The following MASP1 variants were observed in gnomAD, a reference collection of about 807,000 sequenced individuals.
MASP1 encodes the protein mannan-binding lectin serine protease 1.
In MASP1, 59 loss-of-function variants were observed where a neutral mutation model predicts 77.1. The observed-to-expected ratio is 0.77, with a 90% confidence interval of 0.62 to 0.95. The LOEUF is 0.95. Among genes scored for constraint, MASP1 ranks in the 40% least tolerant of loss-of-function variants. The pLI is 0.00. For synonymous variants in MASP1, 362 were observed against 354.5 expected (o/e 1.02, Z -0.24); for missense variants, 885 against 912.9 (o/e 0.97, Z 0.39).
chr3:187,260,830 C>T lies in MASP1; in HGVS notation c.458G>A (p.Cys153Tyr), dbSNP rs145619289. Residue 153 changes from cysteine to tyrosine, a missense_variant, in exon 4 of 11, where the codon TGT (cysteine) becomes TAT (tyrosine). Physicochemically the swap from Cys to Tyr is radical, Grantham distance 194 (BLOSUM62 -2). Coordinates refer to ENST00000296280, the MANE Select transcript of MASP1 (RefSeq NM_139125.4). The part of the protein sequence containing the change: ...CKEREDEELS[C>Y]DHYCHNYIGG... ...AATGTAGTTGTGGCAGTAGTGGTCA[C>T]AGGACAGCTCCTCGTCCTCCCTCTC... is the stretch of plus-strand genomic sequence containing the variant. 1.4e-5 allele frequency: 23 copies of T among 1,614,038 alleles called. No individual in the cohort carries two copies. Among genetic ancestry groups the T allele is most frequent in the Non-Finnish European group, 1.9e-5 (23 of 1,180,030 alleles).
chr3:187,263,409 G>T (rs1715768196), intron 2 of MASP1, among the ~76,000 whole-genome samples: 1 of 152,150 alleles, frequency 6.6e-6, no homozygotes, highest in South Asian at 2.1e-4. Context: ...ATAAACATTT[G>T]TTTACAAGAA....
intron 2 of MASP1, among the ~76,000 whole-genome samples, chr3:187,267,692 G>T (rs556580384): frequency 1.3e-5 from 2 of 152,334 alleles, no homozygotes; most frequent in South Asian, 2.1e-4. Flanking sequence ...AGAGGTGGTA[G>T]CTGCTTACAG....
At chr3:187,284,841 G>C (rs1478778343) in intron 2 of MASP1, among the ~76,000 whole-genome samples, 1 of 152,182 alleles carries the variant, frequency 6.6e-6, no homozygotes, top group Non-Finnish European at 1.5e-5. Flanking sequence ...AAGTTTGATT[G>C]AGATTATAAT....
chr3:187,239,846 T>C (rs1440020023), intron 10 of MASP1, among the ~76,000 whole-genome samples: 1 of 152,314 alleles, frequency 6.6e-6, no homozygotes, highest in East Asian at 1.9e-4. Flanking sequence ...CCTTCATTCA[T>C]AGACAACCAG....
In MASP1 at chr3:187,235,120, C is replaced by G; in HGVS notation, c.*564G>C. On this transcript the variant is annotated 3_prime_UTR_variant, in exon 11 of 11. Transcript: ENST00000296280. ...GAGAAACCCCAGGCATGAAGGTGCT[C>G]CAAGGGATCACACTAAGAGAGAGGG... The G allele has an allele frequency of 7.8e-7, 1 of 1,287,350 alleles. No individual in the cohort carries two copies. Among genetic ancestry groups the G allele is most frequent in the Non-Finnish European group, 1.0e-6 (1 of 988,778 alleles). 79.7% of individuals were successfully genotyped at this position (1,287,350 alleles called of 1,614,324 possible).
exon 16 of MASP1, chr3:187,219,932 C>CTCT: frequency 1.2e-6 from 1 of 831,030 alleles, no homozygotes. Context: ...GTGAAGATAC[C>CTCT]TGCTCTATTG....
Position 187,235,810 on chromosome 3 carries a change from C to T in MASP1, c.2061G>A (p.Gly687=), listed in dbSNP as rs142830133. Residue 687 remains glycine (G), a synonymous_variant, in exon 11 of 11, where the codon GGG becomes GGA. Coordinates refer to ENST00000296280, the MANE Select transcript of MASP1 (RefSeq NM_139125.4). ...GCTTGCTGCCGCATTCTTCAGGTCCCCCCCAGGACACCAGGCCTTGCACCA... is the reference window on the plus strand; with the variant it reads ...GCTTGCTGCCGCATTCTTCAGGTCCTCCCCAGGACACCAGGCCTTGCACCA... ...RWVVQGLVSW[G]GPEECGSKQV... 69 of 1,614,210 alleles carry T rather than the reference C, an allele frequency of 4.3e-5. No homozygotes were observed. Among genetic ancestry groups the T allele is most frequent in the Admixed American group, 1.0e-4 (6 of 60,026 alleles).
chr3:187,270,620 T>C (rs1304107053), intron 2 of MASP1, among the ~76,000 whole-genome samples: 2 of 152,200 alleles, frequency 1.3e-5, no homozygotes, highest in African/African-American at 4.8e-5. Context: ...CCTATCCTTT[T>C]CATCCCTGTC....
chr3:187,251,699 G>C lies in MASP1; in HGVS notation c.946C>G (p.Gln316Glu). Residue 316 changes from glutamine to glutamate, a missense_variant, in exon 7 of 11, where the codon CAA becomes GAA. Gln to Glu is a conservative substitution (Grantham distance 29, BLOSUM62 2). Transcript: ENST00000296280. ...TGGTCTTTGAAGAAATACTTGGCTTGGGAGGGCTCGATTTTCCCATGGACA... is the reference window on the plus strand; with the variant it reads ...TGGTCTTTGAAGAAATACTTGGCTTCGGAGGGCTCGATTTTCCCATGGACA... Reference protein sequence around the residue: ...PPVHGKIEPSQAKYFFKDQVL... With the variant: ...PPVHGKIEPSEAKYFFKDQVL... 1.2e-6 allele frequency: 2 copies of C among 1,614,204 alleles called. No individual in the cohort carries two copies. Among genetic ancestry groups the C allele is most frequent in the East Asian group, 4.5e-5 (2 of 44,882 alleles).
exon 16 of MASP1, chr3:187,218,805 G>A (rs1711879266): frequency 6.6e-6 from 1 of 152,210 alleles, no homozygotes; most frequent in South Asian, 2.1e-4. Context: ...AGCTTCCTGA[G>A]AGAGGATGGG....
chr3:187,262,841 A>C, intron 2 of MASP1, 121 bp from the exon 3 acceptor site: 1 of 811,492 alleles, frequency 1.2e-6, no homozygotes, highest in Non-Finnish European at 2.1e-6. Flanking sequence ...TGAGAAACCC[A>C]AAGAAAGGAG....
rs769377018 is a variant in MASP1, at chr3:187,256,768, A to G, written c.640T>C (p.Tyr214His). 1.9e-6 allele frequency: 3 copies of G among 1,613,974 alleles called. No homozygotes were observed. Among genetic ancestry groups the G allele is most frequent in the Non-Finnish European group, 2.5e-6 (3 of 1,180,002 alleles). The change falls in exon 5 of 11, where the codon TAT becomes CAT. Residue 214 changes from tyrosine to histidine, a missense_variant. Tyr to His is a moderately conservative substitution (Grantham distance 83). Coordinates refer to ENST00000296280, the MANE Select transcript of MASP1 (RefSeq NM_139125.4). ...AAACCCTCCTCCAGCTCGATGGTAT[A>G]CAGGCATTCAGAGCTCTTGGGGTAA... ...NPYPKSSECL[Y>H]TIELEEGFMV...
At chr3:187,285,630 T>G (rs1717784813) in intron 2 of MASP1, among the ~76,000 whole-genome samples, 195 bp downstream of exon 2, 1 of 152,080 alleles carries the variant, frequency 6.6e-6, no homozygotes, top group Admixed American at 6.5e-5. Flanking sequence ...TCAATCAGCT[T>G]CAGTTTCCTT....
In MASP1 at chr3:187,235,905, C is replaced by T. The variant is rs754733542; in HGVS notation, c.1966G>A (p.Gly656Ser). The T allele has an allele frequency of 1.4e-5, 23 of 1,614,100 alleles. No homozygotes were observed. The highest frequency in any genetic ancestry group is 8.9e-5 in the East Asian group (4 of 44,906). ...CTATCTCCAAGGCACGTGTCTTTGC[C>T]GCCCTCGTAGTAGCCAGCACAGAAC... Reference protein sequence around the residue: ...NMFCAGYYEGGKDTCLGDSGG... With the variant: ...NMFCAGYYEGSKDTCLGDSGG... The change falls in exon 11 of 11, where the codon GGC (glycine) becomes AGC (serine). Residue 656 changes from glycine to serine, a missense_variant. By Grantham distance (56) the Gly-to-Ser change is moderately conservative. Coordinates refer to ENST00000296280, the MANE Select transcript of MASP1 (RefSeq NM_139125.4).
chr3:187,238,698 A>G (rs1253802558), intron 10 of MASP1, among the ~76,000 whole-genome samples: 2 of 152,236 alleles, frequency 1.3e-5, no homozygotes, highest in African/African-American at 4.8e-5. Context: ...TTATGTTGCC[A>G]TCAAAAGTAT....
At chr3:187,269,692 T>C (rs1161661731) in intron 2 of MASP1, among the ~76,000 whole-genome samples, 1 of 152,232 alleles carries the variant, frequency 6.6e-6, no homozygotes, top group Non-Finnish European at 1.5e-5. Flanking sequence ...ATTTCAGAAT[T>C]ACTATGGAGC....
intron 2 of MASP1, among the ~76,000 whole-genome samples, chr3:187,281,959 A>G (rs1418171836): frequency 1.3e-5 from 2 of 152,186 alleles, no homozygotes; most frequent in Non-Finnish European, 2.9e-5. Context: ...GATTAGAAAA[A>G]GTCAGTGGGT....
chr3:187,252,517 C>T (rs1052874794), intron 6 of MASP1, among the ~76,000 whole-genome samples: 7 of 152,198 alleles, frequency 4.6e-5, no homozygotes, highest in Non-Finnish European at 5.9e-5. Flanking sequence ...CTCTACTCTC[C>T]CGCATCTGAG....
At chr3:187,251,437 T>G (rs1443191654) in intron 7 of MASP1, 197 bp downstream of exon 7, 1 of 587,772 alleles carries the variant, frequency 1.7e-6, no homozygotes, top group East Asian at 2.9e-5. Context: ...AACAAACTTT[T>G]GTGCCACTTT....
Sources: allele counts gnomAD v4.1 joint callset (sites outside exome capture counted in the v4.1 genomes callset), GRCh38; gene constraint gnomAD v4.1.1; transcripts MANE v1.5; gene names NCBI Gene and HGNC (gene_info 2026-07-23, HGNC 2026-07-21).